The following ZC3H13 variants were observed in gnomAD, a reference collection of about 807,000 sequenced individuals.
The protein encoded by ZC3H13 is zinc finger CCCH domain-containing protein 13.
A neutral mutation model predicts 204.1 loss-of-function variants in ZC3H13; 64 were observed. That is an observed-to-expected ratio of 0.31 (90% CI 0.26 to 0.39). The LOEUF (loss-of-function observed/expected upper bound fraction) is 0.39. ZC3H13 is among the 10% of genes least tolerant of loss of function. ZC3H13 has a pLI of 1.00. For missense variants in ZC3H13, 1,833 were observed against 2,082.7 expected (o/e 0.88, Z 2.33); for synonymous variants, 667 against 693.7 (o/e 0.96, Z 0.60).
At chr13:46,050,150 C>T (rs2044296241) in intron 1 of ZC3H13, among the ~76,000 whole-genome samples, 2 of 151,554 alleles carry the variant, frequency 1.3e-5, no homozygotes, top group Admixed American at 6.6e-5. Context: ...AAAGAAAATC[C>T]GGGACACAAA....
At chr13:46,036,777 A>C (rs2043234833) in intron 4 of ZC3H13, among the ~76,000 whole-genome samples, 1 of 152,062 alleles carries the variant, frequency 6.6e-6, no homozygotes, top group Non-Finnish European at 1.5e-5. Flanking sequence ...CACCCAGGCT[A>C]GCATGATCTC....
intron 17 of ZC3H13, 96 bp downstream of exon 17, chr13:45,963,746 A>C (rs1951860355): frequency 2.0e-6 from 3 of 1,530,848 alleles, no homozygotes; most frequent in Non-Finnish European, 2.6e-6. Flanking sequence ...GTTTCTACAC[A>C]GTGTTAAGTG....
intron 1 of ZC3H13, among the ~76,000 whole-genome samples, chr13:46,046,502 CAAAAAA>C (rs1289336036): frequency 8.0e-6 from 1 of 125,672 alleles, no homozygotes; most frequent in South Asian, 2.6e-4. Flanking sequence ...ACTAAAAATA[CAAAAAA>C]AAAAAAAAAA....
At chr13:45,999,968 G>A (rs2040620897) in intron 8 of ZC3H13, among the ~76,000 whole-genome samples, 1 of 152,154 alleles carries the variant, frequency 6.6e-6, no homozygotes, top group Non-Finnish European at 1.5e-5. Context: ...ACAAACAGTA[G>A]TATTTTGAAT....
rs758724365 is a variant in ZC3H13, at chr13:45,970,423, G to A, written c.2511C>T (p.Ser837=). ...GAGAATGTTCACGCCGGCGCTTCGG[G>A]GACTGTCTAGGGCTGGGACTCCCTT... ...RNEGSPSPRQ[S]PKRRREHSPD... The change falls in exon 13 of 19, where the codon TCC becomes TCT. Residue 837 remains serine (S), a synonymous_variant. Coordinates refer to ENST00000679008, the MANE Select transcript of ZC3H13 (RefSeq NM_001330564.2). The A allele has an allele frequency of 9.3e-6, 15 of 1,613,720 alleles. No homozygotes were observed. Among genetic ancestry groups the A allele is most frequent in the South Asian group, 8.8e-5 (8 of 91,072 alleles).
rs571386552 is a variant in ZC3H13, at chr13:45,992,393, T to C, written c.945-3296A>G. 5.9e-5 allele frequency among the ~76,000 whole-genome samples: 9 copies of C among 152,338 alleles called. No homozygotes were observed. In the South Asian group the frequency reaches 1.9e-3, roughly 32 times the overall value. ...TAGCAAGTAACGTATATTGCTACTATGTGTGTGACACTATTTTAAGTGCTT... is the reference window on the plus strand; with the variant it reads ...TAGCAAGTAACGTATATTGCTACTACGTGTGTGACACTATTTTAAGTGCTT... On this transcript the variant is annotated intron_variant, in intron 8 of 18. Transcript: ENST00000679008.
intron 14 of ZC3H13, 103 bp downstream of exon 14, chr13:45,968,645 G>T: frequency 7.0e-7 from 1 of 1,422,690 alleles, no homozygotes; most frequent in African/African-American, 1.4e-5. Context: ...AAAATTTAAG[G>T]CAGCATGTAA....
intron 7 of ZC3H13, among the ~76,000 whole-genome samples, chr13:46,005,881 G>T (rs1038256691): frequency 1.2e-4 from 18 of 152,076 alleles, no homozygotes; most frequent in East Asian, 1.9e-4. Context: ...ATCGTGAGGC[G>T]GTCAGGAGTT....
At chr13:46,043,876 T>C (rs1483498160) in intron 3 of ZC3H13, among the ~76,000 whole-genome samples, 1 of 151,968 alleles carries the variant, frequency 6.6e-6, no homozygotes, top group African/African-American at 2.4e-5. Context: ...TTTTAAAATG[T>C]ATCAAAAGTA....
chr13:46,016,153 G>C (rs1335525388), intron 5 of ZC3H13, among the ~76,000 whole-genome samples: 1 of 152,036 alleles, frequency 6.6e-6, no homozygotes. Flanking sequence ...AACCATTTTT[G>C]ATCTGAAATT....
chr13:45,970,329 A>T (rs1420581869), intron 13 of ZC3H13, 33 bp downstream of exon 13: 2 of 1,599,816 alleles, frequency 1.3e-6, no homozygotes, highest in Non-Finnish European at 1.7e-6. Context: ...AATGAATATG[A>T]ATATAGAGAG....
rs369478096 is a variant in ZC3H13 at position 46,045,108 on chromosome 13, GA to G, written c.118-45del. On this transcript the variant is annotated intron_variant, in intron 2 of 18. Coordinates refer to ENST00000679008, the MANE Select transcript of ZC3H13 (RefSeq NM_001330564.2). ...TATGTAAATTTCATATTTATTTCTGGAAAAAAAAAATGCTAGCGGGACAAAA... is the reference window on the plus strand; with the variant it reads ...TATGTAAATTTCATATTTATTTCTGGAAAAAAAAATGCTAGCGGGACAAAA... The G allele has an allele frequency of 2.6e-3, 3,432 of 1,344,490 alleles. 3 individuals are homozygous for G. Among genetic ancestry groups the G allele is most frequent in the African/African-American group, 7.0e-3 (463 of 65,780 alleles). The allele number at this position is 1,344,490 out of a possible 1,614,324, so 83.3% of individuals were successfully genotyped here.
intron 17 of ZC3H13, chr13:45,962,159 G>A (rs1234927540): frequency 2.0e-6 from 2 of 985,088 alleles, no homozygotes; most frequent in Non-Finnish European, 2.4e-6. Flanking sequence ...AATATAGATA[G>A]ATAATTAGAC....
intron 4 of ZC3H13, among the ~76,000 whole-genome samples, chr13:46,036,142 C>A (rs1455860444): frequency 9.9e-6 from 1 of 101,318 alleles, no homozygotes; most frequent in East Asian, 2.9e-4. Flanking sequence ...AGCAAGACTC[C>A]GTGTCAAGAA....
intron 11 of ZC3H13, 92 bp from the exon 12 acceptor site, chr13:45,975,930 G>C: frequency 6.8e-7 from 1 of 1,463,466 alleles, no homozygotes; most frequent in South Asian, 1.5e-5. Context: ...ATCTGTGATA[G>C]GGTCACACTG....
intron 4 of ZC3H13, among the ~76,000 whole-genome samples, chr13:46,032,309 A>G (rs1349415124): frequency 6.6e-6 from 1 of 151,900 alleles, no homozygotes; most frequent in Non-Finnish European, 1.5e-5. Flanking sequence ...TGATATCTTA[A>G]GTAAAATATT....
intron 4 of ZC3H13, among the ~76,000 whole-genome samples, chr13:46,031,797 G>A (rs1270337590): frequency 6.6e-6 from 1 of 152,188 alleles, no homozygotes; most frequent in African/African-American, 2.4e-5. Flanking sequence ...GCAGGATGTG[G>A]AGCAATCGAA....
intron 1 of ZC3H13, among the ~76,000 whole-genome samples, chr13:46,051,023 AG>A (rs1455706394): frequency 1.3e-5 from 2 of 152,204 alleles, no homozygotes; most frequent in Non-Finnish European, 1.5e-5. Flanking sequence ...TGAGGAGGTG[AG>A]GAAGACTATC....
At chr13:46,018,197 A>AT (rs879912449) in intron 5 of ZC3H13, among the ~76,000 whole-genome samples, 6 of 146,984 alleles carry the variant, frequency 4.1e-5, no homozygotes, top group Non-Finnish European at 7.5e-5. Flanking sequence ...GCAGACGGCC[A>AT]TTTAGGATAG....
Sources: gnomAD v4.1 joint callset for allele counts (sites outside exome capture counted in the v4.1 genomes callset) on GRCh38, gnomAD v4.1.1 for gene constraint, MANE v1.5 for transcripts, NCBI Gene and HGNC (gene_info 2026-07-23, HGNC 2026-07-21) for gene names.